FNDC1: variants seen among roughly 807,000 people sequenced by gnomAD.
The protein encoded by FNDC1 is fibronectin type III domain containing 1.
Under a neutral mutation model 168.0 loss-of-function variants are expected in FNDC1, and 96 were observed. The observed-to-expected ratio is 0.57, with a 90% CI of 0.48 to 0.68. The LOEUF (loss-of-function observed/expected upper bound fraction) is 0.68. Ranked by LOEUF, FNDC1 falls within the 30% of genes least tolerant of loss-of-function variation. The pLI is 0.00. For synonymous variants in FNDC1, 1,099 were observed against 1,025.9 expected, an observed-to-expected ratio of 1.07 and a Z score of -1.36; for missense variants, 2,587 against 2,482.1, an observed-to-expected ratio of 1.04 and a Z score of -0.90.
chr6:159,214,181 A>T (rs1782665051), intron 4 of FNDC1, among the ~76,000 whole-genome samples: 1 of 152,244 alleles, frequency 6.6e-6, no homozygotes. Context: ...GCAAGGTGGT[A>T]GTCACATGAT....
intron 4 of FNDC1, among the ~76,000 whole-genome samples, chr6:159,208,773 G>A (rs1267678750): frequency 6.6e-6 from 1 of 151,976 alleles, no homozygotes; most frequent in African/African-American, 2.4e-5. Context: ...TTCCATGAAG[G>A]CCTAAGGTCA....
chr6:159,177,149 C>G (rs1781778005), intron 1 of FNDC1, among the ~76,000 whole-genome samples: 1 of 151,934 alleles, frequency 6.6e-6, no homozygotes, highest in African/African-American at 2.4e-5. Context: ...AAGGAAAGAC[C>G]CTGTGCAATT....
intron 7 of FNDC1, 103 bp downstream of exon 7, chr6:159,223,748 C>G (rs1782896066): frequency 8.9e-6 from 6 of 676,826 alleles, no homozygotes; most frequent in Non-Finnish European, 1.5e-5. Context: ...TACATGAATG[C>G]TGGTCTCTTT....
chr6:159,175,238 GA>G (rs546068515), intron 1 of FNDC1, among the ~76,000 whole-genome samples: 25 of 152,088 alleles, frequency 1.6e-4, no homozygotes, highest in Non-Finnish European at 3.2e-4. Context: ...AAGTGTTACG[GA>G]GTTCACCATT....
At chr6:159,216,575 AC>A (rs1381138771) in intron 5 of FNDC1, among the ~76,000 whole-genome samples, 1 of 151,962 alleles carries the variant, frequency 6.6e-6, no homozygotes, top group Non-Finnish European at 1.5e-5. Context: ...GAGCCGTCTC[AC>A]CCCTGCTCCC....
At chr6:159,268,137 C>A (rs558868477) in intron 22 of FNDC1, among the ~76,000 whole-genome samples, 14 of 152,000 alleles carry the variant, frequency 9.2e-5, no homozygotes, top group African/African-American at 3.4e-4. Context: ...AGGTGGGGAA[C>A]GGCATGAACA....
chr6:159,233,773 G>A lies in FNDC1; in HGVS notation c.3261G>A (p.Glu1087=). ...GSYDDDSTEV[E]AQDVRAPAHA... Reference sequence around the variant, plus strand: ...ACGACGACGACAGCACAGAAGTCGAGGCCCAGGATGTGCGGGCCCCCGCGC... The same window carrying A: ...ACGACGACGACAGCACAGAAGTCGAAGCCCAGGATGTGCGGGCCCCCGCGC... Residue 1087 remains glutamate, a synonymous_variant, in exon 11 of 23, where the codon GAG becomes GAA. Transcript: ENST00000297267. The surrounding 1 kb of genome is among the most constrained non-coding windows in gnomAD (Gnocchi z 4.6). 1 of 1,543,126 alleles carries A rather than the reference G, an allele frequency of 6.5e-7. No individual in the cohort carries two copies. Among genetic ancestry groups the A allele is most frequent in the Non-Finnish European group, 8.7e-7 (1 of 1,143,416 alleles).
At chr6:159,186,662 G>T (rs955909169) in intron 1 of FNDC1, among the ~76,000 whole-genome samples, 3 of 152,258 alleles carry the variant, frequency 2.0e-5, no homozygotes, top group African/African-American at 4.8e-5. Flanking sequence ...AAGCCCAGGT[G>T]TGAGGATCAC....
At chr6:159,171,989 C>T (rs1781671674) in intron 1 of FNDC1, among the ~76,000 whole-genome samples, 3 of 152,148 alleles carry the variant, frequency 2.0e-5, no homozygotes. Context: ...GGGTGTCTTA[C>T]TGAGAATCAA....
At position 159,185,070 on chromosome 6, in the gene FNDC1, G is replaced by GC. The variant is rs1346474968; in HGVS notation, c.110-12361_110-12360insC. 1.2e-4 allele frequency among the ~76,000 whole-genome samples: 14 copies of GC among 112,466 alleles called. No homozygotes were observed. The East Asian group carries it at 2.4e-3, about 19-fold the overall frequency. The allele number at this position is 112,466 out of a possible 152,430, so 73.8% of individuals were successfully genotyped here. On this transcript the variant is annotated intron_variant, in intron 1 of 22. Coordinates refer to ENST00000297267, the MANE Select transcript of FNDC1 (RefSeq NM_032532.3). Reference sequence around the variant, plus strand: ...AGCTGGTGGTTTATATGGAGGGTGGGGGGGGGGGAATCTTGTTTTTGCTCT... The same window carrying GC: ...AGCTGGTGGTTTATATGGAGGGTGGGCGGGGGGGGAATCTTGTTTTTGCTCT...
chr6:159,181,311 C>A (rs542853869), intron 1 of FNDC1, among the ~76,000 whole-genome samples: 9 of 152,300 alleles, frequency 5.9e-5, no homozygotes, highest in Admixed American at 2.0e-4. Context: ...AAGGGATAAG[C>A]CCCTGAGATG....
chr6:159,270,301 A>G (rs1189526704), intron 22 of FNDC1, among the ~76,000 whole-genome samples: 1 of 152,254 alleles, frequency 6.6e-6, no homozygotes, highest in African/African-American at 2.4e-5. Context: ...GAAATACAAT[A>G]ATAAATGGTA....
At chr6:159,180,063 A>G (rs1781847860) in intron 1 of FNDC1, among the ~76,000 whole-genome samples, 1 of 152,186 alleles carries the variant, frequency 6.6e-6, no homozygotes, top group Non-Finnish European at 1.5e-5. Flanking sequence ...ATAAAATACC[A>G]CAAACTGAGT....
intron 9 of FNDC1, among the ~76,000 whole-genome samples, chr6:159,227,965 T>C (rs1364943650): frequency 1.3e-5 from 2 of 152,220 alleles, no homozygotes; most frequent in Non-Finnish European, 2.9e-5. Context: ...TTACCACAAT[T>C]TGAACTTTAA....
intron 22 of FNDC1, among the ~76,000 whole-genome samples, chr6:159,269,478 C>A (rs1583930146): frequency 7.0e-6 from 1 of 143,212 alleles, no homozygotes; most frequent in Non-Finnish European, 1.5e-5. Flanking sequence ...ATCTATCTAT[C>A]TATCTATCTA....
chr6:159,195,708 C>T (rs1021682118), intron 1 of FNDC1, among the ~76,000 whole-genome samples: 5 of 152,106 alleles, frequency 3.3e-5, no homozygotes, highest in Non-Finnish European at 7.3e-5. Flanking sequence ...TTTCATGTGT[C>T]AGTAATAAAA....
chr6:159,239,638 G>A lies in FNDC1; in HGVS notation c.4302G>A (p.Leu1434=). 1 of 1,556,314 alleles carries A rather than the reference G, an allele frequency of 6.4e-7. No homozygotes were observed. The highest frequency in any genetic ancestry group is 8.7e-7 in the Non-Finnish European group (1 of 1,149,212). The change falls in exon 14 of 23, where the codon CTG becomes CTA. Residue 1434 remains leucine, a synonymous_variant. Coordinates refer to ENST00000297267, the MANE Select transcript of FNDC1 (RefSeq NM_032532.3). ...KPILSLGGKP[L]VGLEVIKKTT... is the part of the protein sequence containing the mutation. Reference sequence around the variant, plus strand: ...TTTTGAGTCTTGGAGGAAAGCCGCTGGTGGGCTTGGAGGTCATCAAAAAAA... The same window carrying A: ...TTTTGAGTCTTGGAGGAAAGCCGCTAGTGGGCTTGGAGGTCATCAAAAAAA...
chr6:159,239,471 G>T (rs373974238), intron 13 of FNDC1, 46 bp from the exon 14 acceptor site: 103 of 1,481,144 alleles, frequency 7.0e-5, no homozygotes, highest in African/African-American at 8.4e-5. Flanking sequence ...TATTTTCTCT[G>T]GATTGCTTCA....
At chr6:159,175,731 G>A (rs1027882959) in intron 1 of FNDC1, among the ~76,000 whole-genome samples, 1 of 152,188 alleles carries the variant, frequency 6.6e-6, no homozygotes, top group Non-Finnish European at 1.5e-5. Context: ...TCGCCTGTTG[G>A]CATCTTAGAG....
Sources: gnomAD v4.1 joint callset for allele counts (sites outside exome capture counted in the v4.1 genomes callset) on GRCh38, gnomAD v4.1.1 for gene constraint, Gnocchi (gnomAD v3.1) non-coding constraint, MANE v1.5 for transcripts, NCBI Gene and HGNC (gene_info 2026-07-23, HGNC 2026-07-21) for gene names.